Variants in WNT5B observed in about 807,000 individuals in gnomAD.
WNT5B encodes protein Wnt-5b.
WNT5B carries 18 observed loss-of-function variants against 36.5 expected under a neutral mutation model. The ratio of observed to expected loss-of-function variants is 0.49; its 90% CI spans 0.34 to 0.73. WNT5B has a LOEUF of 0.73. WNT5B is among the 30% of genes least tolerant of loss of function. The pLI, the probability that WNT5B is intolerant of heterozygous loss-of-function variation, is 0.01. For synonymous variants in WNT5B, 213 were observed against 212.3 expected (o/e 1.00, Z -0.03); for missense variants, 424 against 508.4 (o/e 0.83, Z 1.60).
At chr12:1,638,246 A>G (rs778935949) in intron 3 of WNT5B, among the ~76,000 whole-genome samples, 1 of 152,210 alleles carries the variant, frequency 6.6e-6, no homozygotes, top group Non-Finnish European at 1.5e-5. Flanking sequence ...ACTCTCTCTC[A>G]AAAACAAACA....
intron 1 of WNT5B, among the ~76,000 whole-genome samples, chr12:1,629,600 G>C (rs1052070226): frequency 2.0e-5 from 3 of 152,042 alleles, no homozygotes; most frequent in Middle Eastern, 3.2e-3. Context: ...CTGCAACCCC[G>C]GGAAGGACTG....
chr12:1,639,605 C>G, intron 3 of WNT5B, 79 bp from the exon 4 acceptor site: 1 of 1,414,644 alleles, frequency 7.1e-7, no homozygotes, highest in Non-Finnish European at 9.2e-7. Context: ...CGTGCGGGTC[C>G]GTCGGGGGAG....
At chr12:1,625,495 C>G (rs2094539783), upstream of WNT5B, among the ~76,000 whole-genome samples, 1 of 152,192 alleles carries the variant, frequency 6.6e-6, no homozygotes, top group Non-Finnish European at 1.5e-5. Flanking sequence ...CCTCCTCCAC[C>G]TGCCCCTCCC....
intron 1 of WNT5B, among the ~76,000 whole-genome samples, chr12:1,620,247 A>C (rs1365526116): frequency 6.6e-6 from 1 of 152,048 alleles, no homozygotes; most frequent in East Asian, 1.9e-4. Flanking sequence ...TGATGTCATC[A>C]TTTCCTTGCT....
intron 2 of WNT5B, among the ~76,000 whole-genome samples, chr12:1,631,713 G>A (rs1303353366): frequency 1.3e-5 from 2 of 151,956 alleles, no homozygotes; most frequent in Non-Finnish European, 2.9e-5. Flanking sequence ...TGAATTGTTA[G>A]AAATTGCTCT....
At chr12:1,625,814 T>C (rs1479705196), upstream of WNT5B, among the ~76,000 whole-genome samples, 2 of 151,718 alleles carry the variant, frequency 1.3e-5, no homozygotes, top group Non-Finnish European at 2.9e-5. Flanking sequence ...CAGGCACCCA[T>C]CACCACGCCC....
chr12:1,635,514 C>T (rs1454662205), intron 3 of WNT5B, among the ~76,000 whole-genome samples: 1 of 152,202 alleles, frequency 6.6e-6, no homozygotes, highest in Admixed American at 6.5e-5. Flanking sequence ...AAGGAGCATT[C>T]TGGTGATTGG....
intron 3 of WNT5B, among the ~76,000 whole-genome samples, chr12:1,635,709 A>G (rs1390751938): frequency 6.6e-6 from 1 of 152,220 alleles, no homozygotes; most frequent in Non-Finnish European, 1.5e-5. Flanking sequence ...TGAATTCCTC[A>G]AAGTGGGGCC....
rs2094555636 is a variant in WNT5B, at chr12:1,633,865, C to T, written c.328+960C>T. Among the ~76,000 whole-genome samples, 1 of 149,880 alleles carries T rather than the reference C, an allele frequency of 6.7e-6. No individual in the cohort carries two copies. Among genetic ancestry groups the T allele is most frequent in the Admixed American group, 6.6e-5 (1 of 15,116 alleles). Reference sequence around the variant, plus strand: ...GGGAGGATACTTGGAAGGCTCCTTCCCCCTCCCACTTATTCCAGACCTCTT... The same window carrying T: ...GGGAGGATACTTGGAAGGCTCCTTCTCCCTCCCACTTATTCCAGACCTCTT... On this transcript the variant is annotated intron_variant, in intron 3 of 4. Transcript: ENST00000397196. The surrounding 1 kb of genome is among the most constrained non-coding windows in gnomAD (Gnocchi z 4.8).
At position 1,646,053 on chromosome 12, in the gene WNT5B, C is replaced by T. The variant is rs200149826; in HGVS notation, c.881C>T (p.Thr294Met). 3.8e-5 allele frequency: 61 copies of T among 1,613,480 alleles called. No homozygotes were observed. In the East Asian group the frequency reaches 6.5e-4, roughly 17 times the overall value. ...GACTACTGCCTGCGCAACGAGAGCACGGGCTCCCTGGGCACGCAGGGCCGC... is the reference window on the plus strand; with the variant it reads ...GACTACTGCCTGCGCAACGAGAGCATGGGCTCCCTGGGCACGCAGGGCCGC... The part of the protein sequence containing the change: ...SPDYCLRNES[T>M]GSLGTQGRLC... Residue 294 changes from threonine to methionine, a missense_variant, in exon 5 of 5, where the codon ACG (threonine) becomes ATG (methionine). Coordinates refer to ENST00000397196, the MANE Select transcript of WNT5B (RefSeq NM_032642.3).
chr12:1,625,952 C>T (rs1013905317), upstream of WNT5B, among the ~76,000 whole-genome samples: 9 of 151,414 alleles, frequency 5.9e-5, no homozygotes, highest in East Asian at 1.9e-4. Context: ...CATGAGCCAC[C>T]GCACCCTGCC....
At chr12:1,640,025 G>A (rs761035225) in intron 4 of WNT5B, 49 bp downstream of exon 4, 65 of 1,552,908 alleles carry the variant, frequency 4.2e-5, no homozygotes, top group Middle Eastern at 4.4e-4. Flanking sequence ...CTAGGGGGCT[G>A]TTCCCGGGCT....
chr12:1,631,520 C>T, intron 2 of WNT5B, 86 bp downstream of exon 2: 2 of 1,597,884 alleles, frequency 1.3e-6, no homozygotes, highest in Non-Finnish European at 8.5e-7. Flanking sequence ...CCGTGTGTCA[C>T]GGTAGTACCT....
intron 1 of WNT5B, among the ~76,000 whole-genome samples, chr12:1,622,962 A>C (rs1329250976): frequency 2.0e-5 from 3 of 152,152 alleles, no homozygotes; most frequent in African/African-American, 7.2e-5. Flanking sequence ...TGCTCTGCAC[A>C]GAGAGAGGAG....
At chr12:1,643,815 C>CAT (rs200027802) in intron 4 of WNT5B, among the ~76,000 whole-genome samples, 139 of 136,762 alleles carry the variant, frequency 1.0e-3, no homozygotes, top group Middle Eastern at 8.7e-3. Flanking sequence ...TGTATATATA[C>CAT]ATATATATAT....
chr12:1,646,217 T>G lies in WNT5B; in HGVS notation c.1045T>G (p.Cys349Gly). ...HWCCFVRCKK[C>G]TEIVDQYICK The stretch of plus-strand genomic sequence containing the variant: ...GTGCTGCTTCGTCAGGTGTAAGAAG[T>G]GCACGGAGATCGTGGACCAGTACAT... The change falls in exon 5 of 5, where the codon TGC (cysteine) becomes GGC (glycine). Residue 349 changes from cysteine to glycine, a missense_variant. Transcript: ENST00000397196. The G allele has an allele frequency of 6.2e-7, 1 of 1,613,528 alleles. No homozygotes were observed. The highest frequency in any genetic ancestry group is 1.1e-5 in the South Asian group (1 of 91,084).
Position 1,632,776 on chromosome 12 carries a change from G to A in WNT5B, c.199G>A (p.Glu67Lys), listed in dbSNP as rs761047110. The A allele has an allele frequency of 6.8e-6, 11 of 1,614,056 alleles. No homozygotes were observed. The highest frequency in any genetic ancestry group is 1.6e-4 in the Middle Eastern group (1 of 6,084). ...GQRKLCQLYQEHMAYIGEGAK... is the reference protein window; with the variant it reads ...GQRKLCQLYQKHMAYIGEGAK... ...GAGGAAGCTGTGCCAATTGTACCAGGAGCACATGGCCTACATAGGGGAGGG... is the reference window on the plus strand; with the variant it reads ...GAGGAAGCTGTGCCAATTGTACCAGAAGCACATGGCCTACATAGGGGAGGG... Residue 67 changes from glutamate to lysine, a missense_variant, in exon 3 of 5, where the codon GAG becomes AAG. Transcript: ENST00000397196. The surrounding 1 kb of genome is among the most constrained non-coding windows in gnomAD (Gnocchi z 5.8).
chr12:1,635,860 A>G (rs550582520), intron 3 of WNT5B, among the ~76,000 whole-genome samples: 1 of 152,294 alleles, frequency 6.6e-6, no homozygotes, highest in Admixed American at 6.5e-5. Flanking sequence ...TTCTTGGGCT[A>G]TTCCTATTTC....
intron 3 of WNT5B, among the ~76,000 whole-genome samples, chr12:1,634,815 G>A (rs1027633081): frequency 1.3e-5 from 2 of 152,120 alleles, no homozygotes; most frequent in African/African-American, 2.4e-5. Context: ...GAGGAGCCTC[G>A]GCCCGTTGCC....
Sources: gnomAD v4.1 joint callset for allele counts (sites outside exome capture counted in the v4.1 genomes callset) on GRCh38, gnomAD v4.1.1 for gene constraint, Gnocchi (gnomAD v3.1) non-coding constraint, MANE v1.5 for transcripts, NCBI Gene and HGNC (gene_info 2026-07-23, HGNC 2026-07-21) for gene names.